ZNF107: variants seen among roughly 807,000 people sequenced by gnomAD.
ZNF107 encodes the protein C2H2 type zinc-finger protein.
In ZNF107, 19 loss-of-function variants were observed where a neutral mutation model predicts 12.3. The observed-to-expected ratio is 1.55, with a 90% confidence interval of 1.08 to 2.27. The LOEUF (loss-of-function observed/expected upper bound fraction) is 2.27, where lower values mean the gene tolerates loss of function less well. ZNF107 is among the 30% of genes most tolerant of loss of function. The pLI, the probability that ZNF107 is intolerant of heterozygous loss-of-function variation, is 0.00. For synonymous variants in ZNF107, 317 were observed against 330.5 expected (o/e 0.96, Z 0.44); for missense variants, 958 against 979.9 (o/e 0.98, Z 0.30).
intron 1 of ZNF107, among the ~76,000 whole-genome samples, chr7:64,678,355 T>TA (rs1395230530): frequency 6.6e-6 from 1 of 152,232 alleles, no homozygotes; most frequent in African/African-American, 2.4e-5. Context: ...ATTTGCAGGC[T>TA]AAAATACTTC....
chr7:64,690,930 G>A (rs12673363), intron 1 of ZNF107, among the ~76,000 whole-genome samples: 7,138 of 152,074 alleles, frequency 0.047, 449 homozygotes, highest in African/African-American at 0.14. Flanking sequence ...TAGTAGAGAC[G>A]GGGTTTCACC....
intron 1 of ZNF107, among the ~76,000 whole-genome samples, chr7:64,679,597 G>A (rs139270325): frequency 9.9e-4 from 151 of 152,120 alleles, no homozygotes; most frequent in African/African-American, 3.4e-3. Context: ...TCAGTCCTCC[G>A]CTGTTCATTA....
At chr7:64,700,696 T>G (rs1790448779) in intron 3 of ZNF107, among the ~76,000 whole-genome samples, 1 of 151,792 alleles carries the variant, frequency 6.6e-6, no homozygotes, top group African/African-American at 2.4e-5. Flanking sequence ...CCTGCCACCA[T>G]GCCTGGCTAA....
chr7:64,691,743 A>G (rs1392064663), intron 2 of ZNF107, 122 bp from the exon 3 acceptor site: 2 of 422,902 alleles, frequency 4.7e-6, no homozygotes, highest in Non-Finnish European at 6.8e-6. Flanking sequence ...CTGAATATTT[A>G]GAAATATATG....
intron 1 of ZNF107, among the ~76,000 whole-genome samples, chr7:64,680,512 G>A (rs905151384): frequency 1.3e-5 from 2 of 152,160 alleles, no homozygotes; most frequent in African/African-American, 4.8e-5. Context: ...ATGGCCGGGC[G>A]AGATTATATG....
chr7:64,706,312 T>C lies in ZNF107; in HGVS notation c.227-12T>C, dbSNP rs553474093. 6.6e-7 allele frequency: 1 copy of C among 1,508,594 alleles called. No homozygotes were observed. Among genetic ancestry groups the C allele is most frequent in the East Asian group, 2.3e-5 (1 of 43,798 alleles). The allele number at this position is 1,508,594 out of a possible 1,614,324, so 93.5% of individuals were successfully genotyped here. A position where few individuals can be genotyped will look rare whatever the true frequency, so the allele number is the denominator to read the frequency against. The stretch of plus-strand genomic sequence containing the variant: ...AGCAAGTGGAGTAATTTATTATTTT[T>C]ATTTCTTTCAGTAATGTCTTTTCAT... On this transcript the variant is annotated splice_polypyrimidine_tract_variant and intron_variant, in intron 3 of 3. Transcript: ENST00000620827.
intron 1 of ZNF107, chr7:64,690,484 A>G (rs769310709): frequency 4.7e-5 from 46 of 984,890 alleles, no homozygotes; most frequent in Non-Finnish European, 5.2e-5. Flanking sequence ...AGTGGTTGCT[A>G]ACAATTCCCG....
chr7:64,691,623 A>G (rs1162835578), intron 2 of ZNF107, among the ~76,000 whole-genome samples: 1 of 152,180 alleles, frequency 6.6e-6, no homozygotes. Context: ...CCAGAAATTT[A>G]GTGGCATGAA....
chr7:64,683,015 A>C (rs1789746430), intron 1 of ZNF107, among the ~76,000 whole-genome samples: 1 of 152,162 alleles, frequency 6.6e-6, no homozygotes, highest in Admixed American at 6.5e-5. Context: ...GTAGTTCTTC[A>C]AGACCCAACC....
rs563207206 is a variant in ZNF107 at position 64,684,588 on chromosome 7, C to T, written c.4-6660C>T. The T allele has an allele frequency of 2.0e-5, 20 of 985,372 alleles. No individual in the cohort carries two copies. In the East Asian group the frequency reaches 3.4e-4, roughly 17 times the overall value. 61.0% of individuals were successfully genotyped at this position (985,372 alleles called of 1,614,324 possible). On this transcript the variant is annotated intron_variant, in intron 1 of 3. Transcript: ENST00000620827. ...TCTCCCCGACCTCGTTAAAACTCAC[C>T]GAAATCCCTGAAGAAACTTAAATGT...
chr7:64,708,207 C>T lies in ZNF107; in HGVS notation c.2110C>T (p.Pro704Ser), dbSNP rs959629805. Residue 704 changes from proline to serine, a missense_variant, in exon 4 of 4, where the codon CCT becomes TCT. Physicochemically the swap from Pro to Ser is moderately conservative, Grantham distance 74. Transcript: ENST00000620827. ...IHKRIHTGEK[P>S]YQCAECGKAF... is the part of the protein sequence containing the mutation. The stretch of plus-strand genomic sequence containing the variant: ...TAAGAGAATTCATACGGGAGAGAAA[C>T]CTTACCAATGTGCAGAATGTGGCAA... 1.9e-6 allele frequency: 3 copies of T among 1,613,222 alleles called. No individual in the cohort carries two copies. The highest frequency in any genetic ancestry group is 2.5e-6 in the Non-Finnish European group (3 of 1,179,678).
chr7:64,683,860 T>C (rs1789788633), intron 1 of ZNF107, among the ~76,000 whole-genome samples: 2 of 152,186 alleles, frequency 1.3e-5, no homozygotes, highest in Non-Finnish European at 2.9e-5. Flanking sequence ...ACCTCCTAGT[T>C]TGGGTTGATA....
At chr7:64,700,229 T>C (rs2128966162) in intron 3 of ZNF107, among the ~76,000 whole-genome samples, 1 of 152,272 alleles carries the variant, frequency 6.6e-6, no homozygotes, top group South Asian at 2.1e-4. Context: ...GTGGCAGGTA[T>C]TTGGGCCATG....
chr7:64,671,845 G>A (rs1230423867), intron 1 of ZNF107, among the ~76,000 whole-genome samples: 2 of 146,586 alleles, frequency 1.4e-5, no homozygotes, highest in Non-Finnish European at 3.0e-5. Context: ...GCAGCGGCGC[G>A]ATCTCTGCTC....
At position 64,706,510 on chromosome 7, in the gene ZNF107, C is replaced by G. The variant is rs1790648702; in HGVS notation, c.413C>G (p.Thr138Arg). The change falls in exon 4 of 4, where the codon ACA becomes AGA. Residue 138 changes from threonine (T) to arginine (R), a missense_variant. Transcript: ENST00000620827. ...CATAATACAGTTAACCAATGTTTGA[C>G]AGCTACCCCAAGCAAAATATTCCAG... ...GGHNTVNQCL[T>R]ATPSKIFQCN... 29 of 1,610,586 alleles carry G rather than the reference C, an allele frequency of 1.8e-5. No homozygotes were observed. The highest frequency in any genetic ancestry group is 2.3e-5 in the Non-Finnish European group (27 of 1,178,142).
chr7:64,695,708 G>A (rs1033389374), intron 3 of ZNF107, among the ~76,000 whole-genome samples: 2 of 151,950 alleles, frequency 1.3e-5, no homozygotes, highest in Non-Finnish European at 2.9e-5. Flanking sequence ...TTCTTTCTTA[G>A]CTGATTTTAA....
rs758225557 is a variant in ZNF107 at position 64,706,895 on chromosome 7, T to C, written c.798T>C (p.Phe266=). 1.2e-6 allele frequency: 2 copies of C among 1,613,158 alleles called. No homozygotes were observed. The highest frequency in any genetic ancestry group is 1.1e-5 in the South Asian group (1 of 90,960). ...PNKCEECGKA[F]KQASHLTIHK... ...AATGTGAAGAATGTGGCAAGGCCTT[T>C]AAACAGGCCTCACACCTTACTATAC... The change falls in exon 4 of 4, where the codon TTT becomes TTC. Residue 266 remains phenylalanine, a synonymous_variant. Transcript: ENST00000620827.
intron 1 of ZNF107, among the ~76,000 whole-genome samples, chr7:64,689,027 G>A (rs777710089): frequency 6.6e-6 from 1 of 150,994 alleles, no homozygotes; most frequent in Non-Finnish European, 1.5e-5. Flanking sequence ...TAGATTCCTG[G>A]CAACATGAAT....
intron 1 of ZNF107, among the ~76,000 whole-genome samples, chr7:64,688,254 CCT>C (rs1428554604): frequency 1.4e-5 from 2 of 138,696 alleles, no homozygotes; most frequent in Admixed American, 1.7e-4. Flanking sequence ...TTCCCTTCCT[CCT>C]CTTTTTTTTT....
Sources: gnomAD v4.1 joint callset for allele counts (sites outside exome capture counted in the v4.1 genomes callset) on GRCh38, gnomAD v4.1.1 for gene constraint, MANE v1.5 for transcripts, NCBI Gene and HGNC (gene_info 2026-07-23, HGNC 2026-07-21) for gene names.